Variants in ACTR3C observed in about 807,000 individuals in gnomAD.
The protein encoded by ACTR3C is actin-related protein 3C.
In ACTR3C, 18 loss-of-function variants were observed where a neutral mutation model predicts 26.3. The ratio of observed to expected loss-of-function variants is 0.68; its 90% confidence interval spans 0.47 to 1.01. The LOEUF is 1.01. Among genes scored for constraint, ACTR3C ranks in the 50% least tolerant of loss-of-function variants. The pLI, the probability that ACTR3C is intolerant of heterozygous loss-of-function variation, is 0.00. For missense variants in ACTR3C, 184 were observed against 250.7 expected (o/e 0.73, Z 1.80); for synonymous variants, 55 against 94.5 (o/e 0.58, Z 2.42).
chr7:150,005,782 C>T, the ACTR3C span, among the ~76,000 whole-genome samples: 341 of 152,312 alleles, frequency 2.2e-3, no homozygotes, highest in Non-Finnish European at 3.8e-3. Context: ...ATGCTTCTGA[C>T]GGGACATAAC....
chr7:150,276,319 A>C (rs937759527), intron 6 of ACTR3C, among the ~76,000 whole-genome samples: 8 of 152,162 alleles, frequency 5.3e-5, no homozygotes, highest in African/African-American at 1.9e-4. Context: ...CTGCAGGTGC[A>C]AGGTAAAGAA....
At chr7:150,037,015 AC>A in the ACTR3C span, among the ~76,000 whole-genome samples, 2 of 81,680 alleles carry the variant, frequency 2.4e-5, no homozygotes, top group Non-Finnish European at 5.6e-5. Flanking sequence ...CGATGGGGGT[AC>A]CAACAGCCAG....
At chr7:150,280,809 TGTG>T in intron 6 of ACTR3C, among the ~76,000 whole-genome samples, 1 of 146,738 alleles carries the variant, frequency 6.8e-6, no homozygotes, top group African/African-American at 2.7e-5. Flanking sequence ...TGTGTGTGTG[TGTG>T]TGTGTGTATA....
the ACTR3C span, chr7:149,909,771 C>T: frequency 6.1e-6 from 2 of 326,524 alleles, no homozygotes; most frequent in Non-Finnish European, 1.1e-5. Context: ...GGATTAATGT[C>T]TTTTATTATA....
the ACTR3C span, among the ~76,000 whole-genome samples, chr7:150,040,957 C>G: frequency 6.7e-6 from 1 of 150,312 alleles, no homozygotes; most frequent in Non-Finnish European, 1.5e-5. Flanking sequence ...GCTGCCAAAG[C>G]CCTCAAATAG....
the ACTR3C span, among the ~76,000 whole-genome samples, chr7:150,136,351 G>A: frequency 6.6e-6 from 1 of 152,140 alleles, no homozygotes; most frequent in Non-Finnish European, 1.5e-5. Flanking sequence ...CAACAACTCT[G>A]GACCAGGTGA....
the ACTR3C span, among the ~76,000 whole-genome samples, chr7:150,234,025 C>T: frequency 3.3e-5 from 5 of 152,170 alleles, no homozygotes; most frequent in South Asian, 2.1e-4. Flanking sequence ...ATGTAGGTAG[C>T]GGTGGCTTCA....
At chr7:150,194,607 G>A in the ACTR3C span, among the ~76,000 whole-genome samples, 6 of 151,774 alleles carry the variant, frequency 4.0e-5, no homozygotes, top group Admixed American at 3.3e-4. Context: ...CATCCTCCTA[G>A]CTCTTTTCAA....
chr7:150,019,602 T>A, the ACTR3C span, among the ~76,000 whole-genome samples: 1 of 30,772 alleles, frequency 3.2e-5, no homozygotes, highest in African/African-American at 1.1e-4. Context: ...AAAATAAAAA[T>A]AATAATAATA....
chr7:149,885,189 A>G, the ACTR3C span, among the ~76,000 whole-genome samples: 1 of 152,100 alleles, frequency 6.6e-6, no homozygotes, highest in Admixed American at 6.5e-5. Flanking sequence ...CACCCCTACC[A>G]TTGAAACCAC....
the ACTR3C span, among the ~76,000 whole-genome samples, chr7:149,987,942 C>T: frequency 2.6e-5 from 4 of 152,214 alleles, no homozygotes; most frequent in Non-Finnish European, 5.9e-5. Flanking sequence ...AACATTTTCA[C>T]ACTTAAAAAC....
At chr7:150,169,206 C>A in the ACTR3C span, among the ~76,000 whole-genome samples, 42 of 149,790 alleles carry the variant, frequency 2.8e-4, 3 homozygotes, top group African/African-American at 9.6e-4. Context: ...ATGGTGAAAC[C>A]CCATCTCTAC....
At chr7:150,008,329 G>A in the ACTR3C span, among the ~76,000 whole-genome samples, 4 of 152,310 alleles carry the variant, frequency 2.6e-5, no homozygotes, top group South Asian at 2.1e-4. Flanking sequence ...CGGGCTGGAC[G>A]TGCTCTGAGC....
chr7:150,277,957 C>A (rs139363464), intron 6 of ACTR3C, among the ~76,000 whole-genome samples: 1 of 152,154 alleles, frequency 6.6e-6, no homozygotes, highest in South Asian at 2.1e-4. Context: ...TAACTCCATG[C>A]GAGGCCCCTC....
the ACTR3C span, among the ~76,000 whole-genome samples, chr7:150,064,644 TCACATACACACACACACACA>T: frequency 1.0e-5 from 1 of 99,400 alleles, no homozygotes; most frequent in Non-Finnish European, 2.1e-5. Context: ...TTGTTTATTT[TCACATACACACACACACACA>T]CACACACACA....
the ACTR3C span, among the ~76,000 whole-genome samples, chr7:150,017,034 T>C: frequency 2.6e-5 from 4 of 152,048 alleles, no homozygotes; most frequent in Non-Finnish European, 4.4e-5. Context: ...GCTGATTAAG[T>C]AGGAACCTGG....
At chr7:150,212,433 G>A in the ACTR3C span, among the ~76,000 whole-genome samples, 3 of 147,992 alleles carry the variant, frequency 2.0e-5, no homozygotes, top group East Asian at 5.8e-4. Flanking sequence ...TCAATAAAAT[G>A]TAAAGCCAAA....
At chr7:150,320,929 A>G (rs1204618590) in intron 1 of ACTR3C, among the ~76,000 whole-genome samples, 1 of 152,214 alleles carries the variant, frequency 6.6e-6, no homozygotes, top group Non-Finnish European at 1.5e-5. Flanking sequence ...ACCTCTGACA[A>G]TACAACTCAA....
the ACTR3C span, among the ~76,000 whole-genome samples, chr7:150,149,079 GTATATATATATATATA>G: frequency 0.071 from 6,612 of 93,136 alleles, 412 homozygotes; most frequent in African/African-American, 0.12. Context: ...TAAAGTTTGA[GTATATATATATATATA>G]TATATATATA....
Sources: gnomAD v4.1 joint callset for allele counts (sites outside exome capture counted in the v4.1 genomes callset) on GRCh38, gnomAD v4.1.1 for gene constraint, MANE v1.5 for transcripts, NCBI Gene and HGNC (gene_info 2026-07-23, HGNC 2026-07-21) for gene names.